Variants in SH3GL3 observed in about 807,000 individuals in gnomAD.
The protein encoded by SH3GL3 is SH3 domain containing GRB2 like 3, endophilin A3, also known as endophilin-A3.
Under a neutral mutation model 47.7 loss-of-function variants are expected in SH3GL3, and 33 were observed. The observed-to-expected ratio is 0.69, with a 90% CI of 0.52 to 0.92. The LOEUF is 0.92. SH3GL3 is among the 40% of genes least tolerant of loss of function. SH3GL3 has a pLI of 0.00. For missense variants in SH3GL3, 363 were observed against 417.8 expected (o/e 0.87, Z 1.14); for synonymous variants, 155 against 148.8 (o/e 1.04, Z -0.30).
At chr15:83,482,788 G>A (rs550933258) in intron 1 of SH3GL3, among the ~76,000 whole-genome samples, 15 of 151,718 alleles carry the variant, frequency 9.9e-5, no homozygotes, top group Non-Finnish European at 1.9e-4. Flanking sequence ...CACCGCGCTC[G>A]GCTGAGCCTT....
chr15:83,556,521 A>T (rs991159413), intron 1 of SH3GL3, among the ~76,000 whole-genome samples: 8 of 152,254 alleles, frequency 5.3e-5, no homozygotes, highest in African/African-American at 7.2e-5. Flanking sequence ...CTGAAAATAG[A>T]ACAAGTAAAA....
At chr15:83,529,879 C>T (rs1404113902) in intron 1 of SH3GL3, among the ~76,000 whole-genome samples, 4 of 152,114 alleles carry the variant, frequency 2.6e-5, no homozygotes, top group South Asian at 4.1e-4. Context: ...ATAGTGGCCA[C>T]GCAGGCAAAC....
At chr15:83,497,125 A>G (rs962571416) in intron 1 of SH3GL3, among the ~76,000 whole-genome samples, 2 of 152,096 alleles carry the variant, frequency 1.3e-5, no homozygotes, top group Non-Finnish European at 2.9e-5. Context: ...GGTGTTACAT[A>G]TTTATGGCTT....
At chr15:83,603,249 C>T (rs113305877) in intron 8 of SH3GL3, among the ~76,000 whole-genome samples, 44 of 152,260 alleles carry the variant, frequency 2.9e-4, no homozygotes, top group African/African-American at 9.1e-4. Context: ...ATCCACCTGC[C>T]TCAGCCTCCC....
chr15:83,550,152 T>C (rs1267153564), intron 1 of SH3GL3, among the ~76,000 whole-genome samples: 1 of 152,218 alleles, frequency 6.6e-6, no homozygotes, highest in African/African-American at 2.4e-5. Flanking sequence ...TAAAATTGTG[T>C]TGCCATGTTC....
chr15:83,517,736 C>T (rs2043045050), intron 1 of SH3GL3, among the ~76,000 whole-genome samples: 1 of 150,504 alleles, frequency 6.6e-6, no homozygotes, highest in Non-Finnish European at 1.5e-5. Flanking sequence ...TCTCTCTCTT[C>T]TTTTAAAAAT....
At chr15:83,629,260 A>G in the SH3GL3 span, among the ~76,000 whole-genome samples, 1 of 152,234 alleles carries the variant, frequency 6.6e-6, no homozygotes, top group Non-Finnish European at 1.5e-5. Context: ...AAGTCCTAGA[A>G]TAGCCAAAAC....
At chr15:83,478,318 C>A (rs1466961578) in intron 1 of SH3GL3, among the ~76,000 whole-genome samples, 1 of 152,190 alleles carries the variant, frequency 6.6e-6, no homozygotes, top group Non-Finnish European at 1.5e-5. Flanking sequence ...TGTCTTTCTT[C>A]AGGTAATATG....
intron 1 of SH3GL3, among the ~76,000 whole-genome samples, chr15:83,504,399 C>G (rs1304200758): frequency 6.6e-6 from 1 of 152,174 alleles, no homozygotes; most frequent in East Asian, 1.9e-4. Context: ...CATACCCACC[C>G]AGGATTGTTC....
chr15:83,624,253 G>A, the SH3GL3 span, among the ~76,000 whole-genome samples: 1 of 152,150 alleles, frequency 6.6e-6, no homozygotes, highest in Non-Finnish European at 1.5e-5. Flanking sequence ...GACTCACCCA[G>A]TGTCTGTCCT....
intron 6 of SH3GL3, among the ~76,000 whole-genome samples, chr15:83,577,821 T>A (rs1021441107): frequency 3.3e-5 from 5 of 152,192 alleles, no homozygotes; most frequent in African/African-American, 4.8e-5. Flanking sequence ...CACAGGAGAA[T>A]GAAAAGTCGA....
chr15:83,633,133 G>C, the SH3GL3 span, among the ~76,000 whole-genome samples: 1 of 151,912 alleles, frequency 6.6e-6, no homozygotes, highest in African/African-American at 2.4e-5. Flanking sequence ...ATATGAAAAG[G>C]AGGATAGGAA....
At chr15:83,583,137 G>T (rs1203700917) in intron 6 of SH3GL3, among the ~76,000 whole-genome samples, 2 of 152,224 alleles carry the variant, frequency 1.3e-5, no homozygotes, top group African/African-American at 4.8e-5. Context: ...AGAATGGCTT[G>T]TCGTCTTTTG....
intron 1 of SH3GL3, among the ~76,000 whole-genome samples, chr15:83,483,771 T>C (rs2041477337): frequency 6.6e-6 from 1 of 152,220 alleles, no homozygotes; most frequent in African/African-American, 2.4e-5. Flanking sequence ...CCCATCCCCA[T>C]GGCCCTTTTT....
At chr15:83,473,587 GC>G (rs1264432497) in intron 1 of SH3GL3, among the ~76,000 whole-genome samples, 1 of 150,288 alleles carries the variant, frequency 6.7e-6, no homozygotes, top group Non-Finnish European at 1.5e-5. Flanking sequence ...TCGCTCTGTC[GC>G]CCAGGTTGGA....
chr15:83,611,584 C>G (rs1220247652), intron 8 of SH3GL3: 1 of 151,904 alleles, frequency 6.6e-6, no homozygotes, highest in African/African-American at 2.4e-5. Flanking sequence ...CCCAGCGATT[C>G]CAGGTGCCAG....
chr15:83,575,272 G>C (rs1229499230), intron 5 of SH3GL3, among the ~76,000 whole-genome samples: 7 of 152,208 alleles, frequency 4.6e-5, no homozygotes, highest in African/African-American at 1.7e-4. Context: ...CATCATGGAG[G>C]AAGGTCATAT....
At chr15:83,591,823 C>T (rs772181627) in intron 8 of SH3GL3, among the ~76,000 whole-genome samples, 3 of 152,308 alleles carry the variant, frequency 2.0e-5, no homozygotes, top group South Asian at 2.1e-4. Flanking sequence ...GTAGCTGAGA[C>T]TACAGGCGCC....
At chr15:83,477,370 T>A (rs1373116278) in intron 1 of SH3GL3, among the ~76,000 whole-genome samples, 1 of 152,208 alleles carries the variant, frequency 6.6e-6, no homozygotes, top group Non-Finnish European at 1.5e-5. Flanking sequence ...CCAGTTTGCT[T>A]TTCTTGCCAA....
Sources: gnomAD v4.1 joint callset for allele counts (sites outside exome capture counted in the v4.1 genomes callset) on GRCh38, gnomAD v4.1.1 for gene constraint, MANE v1.5 for transcripts, NCBI Gene and HGNC (gene_info 2026-07-23, HGNC 2026-07-21) for gene names.